The following LMX1B variants were observed in gnomAD, a reference collection of about 807,000 sequenced individuals.
LMX1B encodes the protein LIM homeobox transcription factor 1 beta, also known as LIM homeobox transcription factor 1-beta.
LMX1B carries 12 observed loss-of-function variants against 51.4 expected under a neutral mutation model. The observed-to-expected ratio is 0.23, with a 90% CI of 0.15 to 0.38. The LOEUF is 0.38. Ranked by LOEUF, LMX1B falls within the 10% of genes least tolerant of loss-of-function variation. LMX1B has a pLI of 1.00. For synonymous variants in LMX1B, 237 were observed against 235.4 expected (o/e 1.01, Z -0.06); for missense variants, 445 against 571.1 (o/e 0.78, Z 2.25).
rs2030445952 is a variant in LMX1B, at chr9:126,699,012, T to G, written c.*2561T>G. 6.8e-6 allele frequency: 1 copy of G among 147,906 alleles called. No individual in the cohort carries two copies. The allele number at this position is 147,906 out of a possible 1,614,324, so 9.2% of individuals were successfully genotyped here. On this transcript the variant is annotated 3_prime_UTR_variant, in exon 8 of 8. Coordinates refer to ENST00000373474, the MANE Select transcript of LMX1B (RefSeq NM_001174147.2). ...CACCATGGGTCTCTTGAGCAGCAGC[T>G]GCACTGGCTTCTGGAGAGACACCCC...
rs1564147622 is a variant in LMX1B, at chr9:126,626,380, CG to C, written c.326+10814del. On this transcript the variant is annotated intron_variant, in intron 2 of 7. Transcript: ENST00000373474. The surrounding 1 kb of genome is among the most constrained non-coding windows in gnomAD (Gnocchi z 4.3). ...CTTCCATCTCTGACAGCATAGGGAC[CG>C]GGAGCTCCGATGGAGGAAACCCTTT... 6.6e-6 allele frequency among the ~76,000 whole-genome samples: 1 copy of C among 152,178 alleles called. No individual in the cohort carries two copies. Among genetic ancestry groups the C allele is most frequent in the Non-Finnish European group, 1.5e-5 (1 of 68,034 alleles).
At chr9:126,656,400 T>C (rs1212808145) in intron 2 of LMX1B, among the ~76,000 whole-genome samples, 1 of 122,084 alleles carries the variant, frequency 8.2e-6, no homozygotes, top group African/African-American at 2.6e-5. Flanking sequence ...GATAGATAGA[T>C]AGATAGATAG....
At chr9:126,676,167 T>G (rs1356752085) in intron 2 of LMX1B, among the ~76,000 whole-genome samples, 2 of 152,150 alleles carry the variant, frequency 1.3e-5, no homozygotes, top group Admixed American at 6.5e-5. Flanking sequence ...CGCAACCCTC[T>G]GCACCTTTTA....
Position 126,615,619 on chromosome 9 carries a change from G to A in LMX1B, c.326+50G>A, listed in dbSNP as rs1351040980. The A allele has an allele frequency of 1.3e-6, 2 of 1,537,548 alleles. No individual in the cohort carries two copies. Among genetic ancestry groups the A allele is most frequent in the African/African-American group, 1.4e-5 (1 of 71,800 alleles). On this transcript the variant is annotated intron_variant, in intron 2 of 7. Transcript: ENST00000373474. This position sits in a 1 kb window ranked among gnomAD's most constrained non-coding sequence, Gnocchi z 6.0. ...CCGCCACCGCCCGGCACTCGAGCCC[G>A]GTCAGCCCCCTGCCGGGCCCGGCCC...
rs1384683660 is a variant in LMX1B at position 126,614,097 on chromosome 9, C to CCCGCCGCCGCCGCCACCGCCA, written c.-352_-351insCGCCGCCGCCGCCACCGCCAC. 7.1e-6 allele frequency among the ~76,000 whole-genome samples: 1 copy of CCCGCCGCCGCCGCCACCGCCA among 141,098 alleles called. No homozygotes were observed. The highest frequency in any genetic ancestry group is 1.6e-5 in the Non-Finnish European group (1 of 63,790). 92.6% of individuals were successfully genotyped at this position (141,098 alleles called of 152,430 possible). ...CCCTGCACCCCCACCCCCTCCCCCG[C>CCCGCCGCCGCCGCCACCGCCA]CTGCCGCCGCCGCCACCGCCACCGC... On this transcript the variant is annotated 5_prime_UTR_variant, in exon 1 of 8. Transcript: ENST00000373474.
intron 2 of LMX1B, among the ~76,000 whole-genome samples, chr9:126,624,102 G>A (rs1434668961): frequency 6.6e-6 from 1 of 152,242 alleles, no homozygotes; most frequent in Non-Finnish European, 1.5e-5. Flanking sequence ...TTTCTAAAGC[G>A]CAGCCCTTTC....
intron 2 of LMX1B, among the ~76,000 whole-genome samples, chr9:126,669,522 C>G (rs1040337773): frequency 6.6e-6 from 1 of 152,084 alleles, no homozygotes; most frequent in Non-Finnish European, 1.5e-5. Context: ...CTTGGGCATC[C>G]GTGTGGGCCT....
Position 126,695,919 on chromosome 9 carries a change from G to A in LMX1B, c.967G>A (p.Glu323Lys). ...APPQQQIVAM[E>K]QSPYGSSDPF... ...ACCACAGCAGCAGATCGTGGCCATG[G>A]AACAGAGCCCCTACGGCAGCAGCGA... The change falls in exon 7 of 8, where the codon GAA becomes AAA. Residue 323 changes from glutamate (E) to lysine (K), a missense_variant. Transcript: ENST00000373474. This position sits in a 1 kb window ranked among gnomAD's most constrained non-coding sequence, Gnocchi z 5.2. 6.2e-7 allele frequency: 1 copy of A among 1,613,436 alleles called. No individual in the cohort carries two copies.
At chr9:126,620,678 T>G (rs990806053) in intron 2 of LMX1B, among the ~76,000 whole-genome samples, 23 of 151,394 alleles carry the variant, frequency 1.5e-4, no homozygotes, top group Non-Finnish European at 2.9e-5. Context: ...CTCTTTCTCC[T>G]TGGGGGCAGA....
At chr9:126,614,911 C>T (rs1208671885) in intron 1 of LMX1B, among the ~76,000 whole-genome samples, 1 of 152,042 alleles carries the variant, frequency 6.6e-6, no homozygotes, top group Non-Finnish European at 1.5e-5. Flanking sequence ...TTGGGAGAGG[C>T]GCAAGGTCAC....
chr9:126,616,408 G>A (rs757279828), intron 2 of LMX1B, among the ~76,000 whole-genome samples: 1 of 152,290 alleles, frequency 6.6e-6, no homozygotes, highest in South Asian at 2.1e-4. Flanking sequence ...GTATGGCCGG[G>A]GTTGGGGACA....
chr9:126,689,478 C>T (rs1010007674), intron 2 of LMX1B, among the ~76,000 whole-genome samples: 1 of 152,194 alleles, frequency 6.6e-6, no homozygotes, highest in African/African-American at 2.4e-5. Context: ...GGCCCGGGGA[C>T]GCCGGGAATG....
At chr9:126,694,395 G>A (rs909092539) in intron 6 of LMX1B, among the ~76,000 whole-genome samples, 1 of 152,210 alleles carries the variant, frequency 6.6e-6, no homozygotes, top group African/African-American at 2.4e-5. Context: ...CCCACTGCCG[G>A]AATTCTGCAG....
intron 2 of LMX1B, among the ~76,000 whole-genome samples, chr9:126,637,836 C>G (rs113969717): frequency 5.5e-5 from 8 of 144,660 alleles, no homozygotes; most frequent in African/African-American, 1.8e-4. Flanking sequence ...CCCCCCCCGC[C>G]CCCCGCTCTC....
intron 2 of LMX1B, among the ~76,000 whole-genome samples, chr9:126,676,914 A>T (rs1836574596): frequency 6.6e-6 from 1 of 152,216 alleles, no homozygotes; most frequent in African/African-American, 2.4e-5. Flanking sequence ...CAGCTTCCTC[A>T]ATAATCGCTC....
chr9:126,684,940 C>A (rs1836744376), intron 2 of LMX1B, among the ~76,000 whole-genome samples: 1 of 152,092 alleles, frequency 6.6e-6, no homozygotes, highest in African/African-American at 2.4e-5. Context: ...AGTTTCAGAC[C>A]CCTAGGAGCA....
intron 2 of LMX1B, among the ~76,000 whole-genome samples, chr9:126,689,510 C>T (rs2118984033): frequency 6.6e-6 from 1 of 152,338 alleles, no homozygotes; most frequent in Admixed American, 6.5e-5. Flanking sequence ...TAATTCCCTC[C>T]CAGCAGCAAT....
intron 2 of LMX1B, among the ~76,000 whole-genome samples, chr9:126,643,583 A>G (rs1412525365): frequency 6.6e-6 from 1 of 152,194 alleles, no homozygotes; most frequent in African/African-American, 2.4e-5. Flanking sequence ...AGGTGTACAT[A>G]GCAATCATTC....
intron 2 of LMX1B, among the ~76,000 whole-genome samples, chr9:126,645,923 T>C (rs554343431): frequency 8.5e-5 from 13 of 152,270 alleles, no homozygotes; most frequent in African/African-American, 2.9e-4. Context: ...AGCCCCACCG[T>C]GCCCCTGAGA....
Sources: gnomAD v4.1 joint callset for allele counts (sites outside exome capture counted in the v4.1 genomes callset) on GRCh38, gnomAD v4.1.1 for gene constraint, Gnocchi (gnomAD v3.1) non-coding constraint, MANE v1.5 for transcripts, NCBI Gene and HGNC (gene_info 2026-07-23, HGNC 2026-07-21) for gene names.